PRKG1: variants seen among roughly 807,000 people sequenced by gnomAD.
PRKG1 encodes cGMP-dependent protein kinase 1.
Under a neutral mutation model 88.1 loss-of-function variants are expected in PRKG1, and 35 were observed. The ratio of observed to expected loss-of-function variants is 0.40; its 90% confidence interval spans 0.30 to 0.53. The LOEUF (loss-of-function observed/expected upper bound fraction) is 0.53, where lower values mean the gene tolerates loss of function less well. Among genes scored for constraint, PRKG1 ranks in the 20% least tolerant of loss-of-function variants. The pLI is 0.59. For missense variants in PRKG1, 540 were observed against 839.8 expected (o/e 0.64, Z 4.41); for synonymous variants, 303 against 292.5 (o/e 1.04, Z -0.37).
At chr10:51,198,680 T>C (rs185869234) in intron 2 of PRKG1, among the ~76,000 whole-genome samples, 47 of 152,352 alleles carry the variant, frequency 3.1e-4, no homozygotes, top group Non-Finnish European at 1.6e-4. Flanking sequence ...TTACAGGTTA[T>C]TGGACCTTTC....
chr10:51,332,849 C>T (rs568019571), intron 2 of PRKG1, among the ~76,000 whole-genome samples: 11 of 152,328 alleles, frequency 7.2e-5, no homozygotes, highest in Non-Finnish European at 1.3e-4. Context: ...ACCCAGGCAG[C>T]CTTCTGTTGG....
At chr10:51,493,959 T>C (rs1206741297) in intron 3 of PRKG1, among the ~76,000 whole-genome samples, 6 of 152,184 alleles carry the variant, frequency 3.9e-5, no homozygotes, top group Admixed American at 3.9e-4. Context: ...GCAAGCAACT[T>C]TGAATCAGAT....
At chr10:51,710,856 T>G (rs916532550) in intron 3 of PRKG1, among the ~76,000 whole-genome samples, 1 of 152,034 alleles carries the variant, frequency 6.6e-6, no homozygotes, top group Non-Finnish European at 1.5e-5. Context: ...GGAAATATTT[T>G]TATTTAATTT....
Position 50,991,311 on chromosome 10 carries a change from G to GCCT in PRKG1, c.-66_-65insTCC, listed in dbSNP as rs1164757811. On this transcript the variant is annotated 5_prime_UTR_variant, in exon 1 of 18. Coordinates refer to the PRKG1 transcript ENST00000401604. This position sits in a 1 kb window ranked among gnomAD's most constrained non-coding sequence, Gnocchi z 4.5. ...CTCTCCGCTGCCGGCTGCCGTCCCA[G>GCCT]CCGCCGCCGCCGCCGCCGCCGCCGC... 2 of 723,000 alleles carry GCCT rather than the reference G, an allele frequency of 2.8e-6. No homozygotes were observed. The highest frequency in any genetic ancestry group is 3.5e-6 in the Non-Finnish European group (2 of 567,150). The allele number at this position is 723,000 out of a possible 1,614,324, so 44.8% of individuals were successfully genotyped here.
chr10:51,197,655 CTAGTATATACA>C (rs1477303607), intron 2 of PRKG1, among the ~76,000 whole-genome samples: 2 of 151,804 alleles, frequency 1.3e-5, no homozygotes, highest in East Asian at 3.9e-4. Flanking sequence ...TGTGTATATA[CTAGTATATACA>C]TAGTATATAC....
chr10:51,916,492 TG>T (rs1359989420), intron 5 of PRKG1, among the ~76,000 whole-genome samples: 51 of 152,348 alleles, frequency 3.3e-4, no homozygotes, highest in African/African-American at 1.1e-3. Context: ...CCCTGGGGGC[TG>T]CTCTGTCTAT....
At chr10:51,826,396 C>T (rs1369187604) in intron 4 of PRKG1, among the ~76,000 whole-genome samples, 2 of 152,160 alleles carry the variant, frequency 1.3e-5, no homozygotes, top group Admixed American at 6.6e-5. Context: ...TTTAGCTACT[C>T]CCTCTGGGAA....
intron 3 of PRKG1, among the ~76,000 whole-genome samples, chr10:51,651,306 T>G (rs1211784471): frequency 6.6e-6 from 1 of 152,132 alleles, no homozygotes; most frequent in Non-Finnish European, 1.5e-5. Flanking sequence ...TACTCCCCAG[T>G]CTAATCAAAT....
intron 2 of PRKG1, among the ~76,000 whole-genome samples, chr10:51,375,425 G>GTT (rs35026545): frequency 0.1 from 15,235 of 146,216 alleles, 962 homozygotes; most frequent in Middle Eastern, 0.16. Context: ...TGGATTTGGG[G>GTT]TTTTTTTTTT....
intron 3 of PRKG1, among the ~76,000 whole-genome samples, chr10:51,770,572 G>A (rs1423613544): frequency 2.0e-5 from 3 of 152,148 alleles, no homozygotes; most frequent in Non-Finnish European, 2.9e-5. Flanking sequence ...GAGGGGGTGC[G>A]GATGAGTGAG....
At chr10:51,545,542 A>G (rs1305748863) in intron 3 of PRKG1, among the ~76,000 whole-genome samples, 1 of 152,170 alleles carries the variant, frequency 6.6e-6, no homozygotes, top group African/African-American at 2.4e-5. Context: ...CTCTTAGAGA[A>G]GTAGGGACAA....
chr10:51,218,617 G>C (rs1339642364), intron 2 of PRKG1, among the ~76,000 whole-genome samples: 1 of 148,688 alleles, frequency 6.7e-6, no homozygotes, highest in Non-Finnish European at 1.5e-5. Context: ...TCAGTGATGG[G>C]TAATTTTAAA....
chr10:52,283,860 T>TA (rs1842055209), intron 14 of PRKG1, among the ~76,000 whole-genome samples: 1 of 152,016 alleles, frequency 6.6e-6, no homozygotes, highest in African/African-American at 2.4e-5. Context: ...AATTATATAA[T>TA]AAATAGAAGA....
intron 3 of PRKG1, among the ~76,000 whole-genome samples, chr10:51,704,141 CA>C (rs34997783): frequency 0.037 from 2,924 of 79,560 alleles, 51 homozygotes; most frequent in African/African-American, 0.087. Flanking sequence ...GAAACTGTCT[CA>C]AAAAAAAAAA....
rs146731247 is a variant in PRKG1, at chr10:51,803,841, T to G, written c.593-744T>G. On this transcript the variant is annotated intron_variant, in intron 3 of 17. Transcript: ENST00000373980. The stretch of plus-strand genomic sequence containing the variant: ...ATCACACCAATGTAATAACCAAGAT[T>G]TTTAATGTGCTCATTTTAAAAGTGT... Among the ~76,000 whole-genome samples, 646 of 152,264 alleles carry G rather than the reference T, an allele frequency of 4.2e-3. 5 individuals carry two copies. The highest frequency in any genetic ancestry group is 0.013 in the African/African-American group (542 of 41,554).
chr10:52,100,076 G>T (rs12774141), intron 7 of PRKG1, among the ~76,000 whole-genome samples: 26,205 of 152,154 alleles, frequency 0.17, 2,645 homozygotes, highest in South Asian at 0.28. Context: ...TTTCAGATTT[G>T]AATCTTGTCC....
intron 5 of PRKG1, among the ~76,000 whole-genome samples, chr10:51,936,055 A>G (rs1466110803): frequency 3.3e-5 from 5 of 151,872 alleles, no homozygotes; most frequent in Non-Finnish European, 1.5e-5. Flanking sequence ...TTGAATGGCA[A>G]TATTTGTTCA....
intron 3 of PRKG1, among the ~76,000 whole-genome samples, chr10:51,648,202 T>A (rs1017703860): frequency 1.3e-5 from 2 of 152,168 alleles, no homozygotes; most frequent in Admixed American, 6.5e-5. Flanking sequence ...GAAGGATAAA[T>A]GATAAGTCAT....
intron 5 of PRKG1, among the ~76,000 whole-genome samples, chr10:51,968,831 A>G (rs76007238): frequency 0.086 from 13,012 of 150,724 alleles, 1,654 homozygotes; most frequent in African/African-American, 0.28. Context: ...AAAAAAAAAA[A>G]AAAAAAGAAA....
Sources: gnomAD v4.1 joint callset for allele counts (sites outside exome capture counted in the v4.1 genomes callset) on GRCh38, gnomAD v4.1.1 for gene constraint, Gnocchi (gnomAD v3.1) non-coding constraint, MANE v1.5 for transcripts, NCBI Gene and HGNC (gene_info 2026-07-23, HGNC 2026-07-21) for gene names.